The following DBT variants were observed in gnomAD, a reference collection of about 807,000 sequenced individuals.
The protein encoded by DBT is dihydrolipoamide branched chain transacylase E2, also known as lipoamide acyltransferase component of branched-chain alpha-keto acid dehydrogenase complex, mitochondrial.
DBT carries 40 observed loss-of-function variants against 51.3 expected under a neutral mutation model. The ratio of observed to expected loss-of-function variants is 0.78; its 90% CI spans 0.61 to 1.02. The LOEUF (loss-of-function observed/expected upper bound fraction) is 1.02, where lower values mean the gene tolerates loss of function less well. Ranked by LOEUF, DBT falls within the 50% of genes least tolerant of loss-of-function variation. The pLI is 0.00. For synonymous variants in DBT, 181 were observed against 190.4 expected (o/e 0.95, Z 0.41); for missense variants, 510 against 580.2 (o/e 0.88, Z 1.24).
At position 100,249,785 on chromosome 1, in the gene DBT, C is replaced by G. The variant is rs147775797; in HGVS notation, c.36G>C (p.Arg12Ser). The G allele has an allele frequency of 1.1e-5, 18 of 1,614,112 alleles. No homozygotes were observed. The African/African-American group carries it at 2.1e-4, about 19-fold the overall frequency. Residue 12 changes from arginine to serine, a missense_variant, in exon 1 of 11, where the codon AGG (arginine) becomes AGC (serine). Arg to Ser is a moderately radical substitution (Grantham distance 110). Coordinates refer to ENST00000370132, the MANE Select transcript of DBT (RefSeq NM_001918.5). ...AAVRMLRTWS[R>S]NAGKLICVRY... ...ACGTGCTTACCAGCTTCCCCGCATT[C>G]CTGCTCCAGGTTCTCAGCATACGGA...
chr1:100,222,940 A>G (rs1662938552), intron 4 of DBT, among the ~76,000 whole-genome samples: 1 of 152,190 alleles, frequency 6.6e-6, no homozygotes, highest in East Asian at 1.9e-4. Flanking sequence ...TACACTCTCA[A>G]TCAGCTCCTA....
At chr1:100,216,410 A>G (rs1662491863) in intron 5 of DBT, among the ~76,000 whole-genome samples, 2 of 152,166 alleles carry the variant, frequency 1.3e-5, no homozygotes, top group Non-Finnish European at 2.9e-5. Flanking sequence ...TCTATATTAT[A>G]TATAATCTAG....
intron 5 of DBT, among the ~76,000 whole-genome samples, chr1:100,216,891 T>C (rs1354379291): frequency 6.6e-6 from 1 of 152,218 alleles, no homozygotes; most frequent in Non-Finnish European, 1.5e-5. Context: ...TCTCCTCATA[T>C]ATAGTATGTA....
chr1:100,211,170 T>TG (rs758895805), intron 7 of DBT: 7 of 774,394 alleles, frequency 9.0e-6, no homozygotes, highest in Non-Finnish European at 7.2e-6. Flanking sequence ...TTTCTCTGTG[T>TG]GGAAAGAACA....
At chr1:100,203,720 G>A (rs756752977) in intron 10 of DBT, among the ~76,000 whole-genome samples, 2 of 152,112 alleles carry the variant, frequency 1.3e-5, no homozygotes, top group Non-Finnish European at 2.9e-5. Flanking sequence ...CTGGCAAACC[G>A]AATCCAGCAG....
intron 1 of DBT, among the ~76,000 whole-genome samples, chr1:100,244,934 T>C (rs1256872556): frequency 6.6e-6 from 1 of 151,632 alleles, no homozygotes; most frequent in East Asian, 1.9e-4. Context: ...TAATTAATAG[T>C]AGAAAAAGAA....
At chr1:100,210,307 C>CAAT (rs570807971) in intron 8 of DBT, among the ~76,000 whole-genome samples, 809 of 70,164 alleles carry the variant, frequency 0.012, 4 homozygotes, top group Admixed American at 0.02. Flanking sequence ...GAGACTCTGC[C>CAAT]AATAATAATA....
chr1:100,236,638 CA>C (rs1398291575), intron 2 of DBT, among the ~76,000 whole-genome samples: 1 of 152,122 alleles, frequency 6.6e-6, no homozygotes, highest in Admixed American at 6.5e-5. Context: ...TTAGCATTAA[CA>C]ATCAAAAGCA....
At chr1:100,218,498 G>T in intron 5 of DBT, 128 bp downstream of exon 5, 1 of 1,063,544 alleles carries the variant, frequency 9.4e-7, no homozygotes, top group Non-Finnish European at 1.4e-6. Flanking sequence ...TTGCTTTTCA[G>T]TAGCAAATAT....
intron 1 of DBT, 48 bp downstream of exon 1, chr1:100,249,722 C>A: frequency 6.3e-7 from 1 of 1,591,484 alleles, no homozygotes. Flanking sequence ...TGGATGACTC[C>A]GGACAAATCA....
In DBT at chr1:100,191,321, G is replaced by A. The variant is rs1043328048; in HGVS notation, c.*4934C>T. On this transcript the variant is annotated 3_prime_UTR_variant, in exon 11 of 11. Coordinates refer to ENST00000370132, the MANE Select transcript of DBT (RefSeq NM_001918.5). ...CTTAAACTGGGAAGAAAATACAAAT[G>A]TTTTTTGTTGGAGAAATTATAAAAT... 1 of 152,062 alleles carries A rather than the reference G, an allele frequency of 6.6e-6. No individual in the cohort carries two copies. The highest frequency in any genetic ancestry group is 1.5e-5 in the Non-Finnish European group (1 of 68,002). 9.4% of individuals were successfully genotyped at this position (152,062 alleles called of 1,614,324 possible).
Position 100,240,768 on chromosome 1 carries a change from T to C in DBT, c.168A>G (p.Thr56=). 1 of 1,600,452 alleles carries C rather than the reference T, an allele frequency of 6.2e-7. No homozygotes were observed. Among genetic ancestry groups the C allele is most frequent in the Non-Finnish European group, 8.6e-7 (1 of 1,168,814 alleles). The change falls in exon 2 of 11, where the codon ACA becomes ACG. Residue 56 remains threonine, a synonymous_variant. Transcript: ENST00000370132. ...TTTTGAAATCATACTTACCAGCAGT[T>C]GTTTTCAGGAAGTGATGTGGATGAC... The part of the protein sequence containing the change: ...KYSHPHHFLK[T]TAALRGQVVQ...
At chr1:100,233,866 G>C (rs764788602) in intron 3 of DBT, among the ~76,000 whole-genome samples, 6 of 152,204 alleles carry the variant, frequency 3.9e-5, no homozygotes, top group Non-Finnish European at 8.8e-5. Context: ...GCTGAGAAAG[G>C]TAAAAACACC....
chr1:100,221,265 A>G (rs139551757), intron 4 of DBT, among the ~76,000 whole-genome samples: 1 of 152,206 alleles, frequency 6.6e-6, no homozygotes, highest in Non-Finnish European at 1.5e-5. Flanking sequence ...AGTTGTTGGA[A>G]GAAAGCTGTC....
Position 100,240,825 on chromosome 1 carries a change from C to G in DBT, c.111G>C (p.Val37=). The change falls in exon 2 of 11, where the codon GTG becomes GTC. Residue 37 remains valine, a synonymous_variant. Transcript: ENST00000370132. ...TGAATGAAGGATAACCAAAGAAACA[C>G]ACATAATTTGGCTTCAAAACATGAA... ...GNVHVLKPNY[V]CFFGYPSFKY... is the part of the protein sequence containing the mutation. 1 of 1,609,878 alleles carries G rather than the reference C, an allele frequency of 6.2e-7. No individual in the cohort carries two copies. Among genetic ancestry groups the G allele is most frequent in the Non-Finnish European group, 8.5e-7 (1 of 1,176,392 alleles).
intron 9 of DBT, 67 bp downstream of exon 9, chr1:100,206,378 A>G: frequency 6.4e-7 from 1 of 1,559,648 alleles, no homozygotes; most frequent in Middle Eastern, 1.7e-4. Flanking sequence ...TGACTTTTCT[A>G]TTTTTAATTA....
In DBT at chr1:100,218,612, T is replaced by G; in HGVS notation, c.555+14A>C. 1 of 1,613,726 alleles carries G rather than the reference T, an allele frequency of 6.2e-7. No homozygotes were observed. Among genetic ancestry groups the G allele is most frequent in the Non-Finnish European group, 8.5e-7 (1 of 1,179,718 alleles). On this transcript the variant is annotated intron_variant, in intron 5 of 10. Transcript: ENST00000370132. Reference sequence around the variant, plus strand: ...TCCTATACAATCTCAGACTTAAATATTAAGAGAACTTACATTGTTTTCCAT... The same window carrying G: ...TCCTATACAATCTCAGACTTAAATAGTAAGAGAACTTACATTGTTTTCCAT...
intron 2 of DBT, among the ~76,000 whole-genome samples, chr1:100,239,625 C>T (rs535814981): frequency 7.2e-5 from 11 of 152,018 alleles, no homozygotes; most frequent in Non-Finnish European, 1.0e-4. Flanking sequence ...AATCCCAGCC[C>T]TTCGGGAGGC....
rs1664805426 is a variant in DBT at position 100,249,756 on chromosome 1, C to G, written c.51+14G>C. On this transcript the variant is annotated intron_variant, in intron 1 of 10. Transcript: ENST00000370132. ...CACTCCTTCCCGGCCTCAGATCTGC[C>G]CAAACGTGCTTACCAGCTTCCCCGC... The G allele has an allele frequency of 1.2e-6, 2 of 1,613,670 alleles. No homozygotes were observed. Among genetic ancestry groups the G allele is most frequent in the Non-Finnish European group, 1.7e-6 (2 of 1,179,630 alleles).
Sources: allele counts gnomAD v4.1 joint callset (sites outside exome capture counted in the v4.1 genomes callset), GRCh38; gene constraint gnomAD v4.1.1; transcripts MANE v1.5; gene names NCBI Gene and HGNC (gene_info 2026-07-23, HGNC 2026-07-21).